Variants in MEF2D observed in about 807,000 individuals in gnomAD.
The protein encoded by MEF2D is myocyte enhancer factor 2D, also known as myocyte-specific enhancer factor 2D.
Under a neutral mutation model 59.3 loss-of-function variants are expected in MEF2D, and 10 were observed. The ratio of observed to expected loss-of-function variants is 0.17; its 90% confidence interval spans 0.10 to 0.29. The LOEUF (loss-of-function observed/expected upper bound fraction) is 0.29, where lower values mean the gene tolerates loss of function less well. Ranked by LOEUF, MEF2D falls within the 10% of genes least tolerant of loss-of-function variation. The probability of loss-of-function intolerance (pLI) is 1.00; values close to 1 mark genes in which losing one functional copy is unlikely to be tolerated. For synonymous variants in MEF2D, 305 were observed against 295.0 expected (o/e 1.03, Z -0.35); for missense variants, 508 against 699.4 (o/e 0.73, Z 3.09).
At chr1:156,483,103 C>T in intron 2 of MEF2D, 136 bp downstream of exon 2, 1 of 939,612 alleles carries the variant, frequency 1.1e-6, no homozygotes, top group South Asian at 1.5e-5. Flanking sequence ...CCTCTTCTCC[C>T]AATCTCCCTT....
chr1:156,476,868 C>T, intron 7 of MEF2D, 144 bp downstream of exon 7: 1 of 1,003,746 alleles, frequency 1.0e-6, no homozygotes, highest in Admixed American at 2.6e-5. Flanking sequence ...AGAAAAATCT[C>T]ATAAAAAGCC....
At chr1:156,485,498 C>T (rs1047437087) in intron 1 of MEF2D, among the ~76,000 whole-genome samples, 12 of 149,808 alleles carry the variant, frequency 8.0e-5, no homozygotes, top group Non-Finnish European at 1.5e-4. Flanking sequence ...GCGCTTCAAA[C>T]GACTCCCTAC....
intron 9 of MEF2D, among the ~76,000 whole-genome samples, chr1:156,473,563 A>G (rs1262435147): frequency 6.6e-6 from 1 of 152,216 alleles, no homozygotes; most frequent in Non-Finnish European, 1.5e-5. Context: ...ACAAGGGGAC[A>G]AGGCGTTTCC....
At chr1:156,481,209 A>C (rs1048414985) in intron 3 of MEF2D, among the ~76,000 whole-genome samples, 2 of 152,164 alleles carry the variant, frequency 1.3e-5, no homozygotes, top group African/African-American at 4.8e-5. Flanking sequence ...AGGTGAGCCT[A>C]ACCTGGGGGT....
chr1:156,476,536 A>T, intron 7 of MEF2D, 22 bp from the exon 8 acceptor site: 2 of 1,609,938 alleles, frequency 1.2e-6, no homozygotes, highest in Non-Finnish European at 8.5e-7. Flanking sequence ...AATAAAACCA[A>T]GGGGATGTTC....
chr1:156,476,477 C>A lies in MEF2D; in HGVS notation c.876+17G>T. 1 of 1,611,096 alleles carries A rather than the reference C, an allele frequency of 6.2e-7. No individual in the cohort carries two copies. The highest frequency in any genetic ancestry group is 8.5e-7 in the Non-Finnish European group (1 of 1,178,674). ...CAGAATTCAAAGCCACAGCAAAGAGCTCACAGCCTCACTTACCAGATCTAA... is the reference window on the plus strand; with the variant it reads ...CAGAATTCAAAGCCACAGCAAAGAGATCACAGCCTCACTTACCAGATCTAA... On this transcript the variant is annotated intron_variant, in intron 8 of 11. Transcript: ENST00000348159.
intron 9 of MEF2D, among the ~76,000 whole-genome samples, chr1:156,471,404 C>T (rs919351638): frequency 6.6e-6 from 1 of 152,238 alleles, no homozygotes; most frequent in South Asian, 2.1e-4. Context: ...GCTGGGATTA[C>T]AGGTGTGAGC....
At chr1:156,483,687 C>T (rs1291380725) in intron 1 of MEF2D, among the ~76,000 whole-genome samples, 1 of 152,254 alleles carries the variant, frequency 6.6e-6, no homozygotes, top group Non-Finnish European at 1.5e-5. Flanking sequence ...AAATGGACCT[C>T]CTGGCTTCCA....
Position 156,479,648 on chromosome 1 carries a change from T to A in MEF2D, c.545A>T (p.Gln182Leu). 1 of 1,552,748 alleles carries A rather than the reference T, an allele frequency of 6.4e-7. No individual in the cohort carries two copies. Among genetic ancestry groups the A allele is most frequent in the Non-Finnish European group, 8.7e-7 (1 of 1,147,654 alleles). Reference protein sequence around the residue: ...SLTDPRLLSPQQPALQRNSVS... With the variant: ...SLTDPRLLSPLQPALQRNSVS... Reference sequence around the variant, plus strand: ...ACTGTTCCTCTGTAGTGCTGGCTGCTGGGGGGACAGGAGCCGCGGGTCCGT... The same window carrying A: ...ACTGTTCCTCTGTAGTGCTGGCTGCAGGGGGGACAGGAGCCGCGGGTCCGT... The change falls in exon 5 of 12, where the codon CAG (glutamine) becomes CTG (leucine). Residue 182 changes from glutamine (Q) to leucine (L), a missense_variant. Physicochemically the swap from Gln to Leu is moderately radical, Grantham distance 113. Around this residue, in one of 2 missense-constraint regions of MEF2D, gnomAD observed 481 missense variants for 584.7 expected, o/e 0.82. Coordinates refer to ENST00000348159, the MANE Select transcript of MEF2D (RefSeq NM_005920.4).
At chr1:156,481,318 G>A (rs1306126197) in intron 3 of MEF2D, among the ~76,000 whole-genome samples, 1 of 152,202 alleles carries the variant, frequency 6.6e-6, no homozygotes, top group Non-Finnish European at 1.5e-5. Context: ...CTGGTGCCAT[G>A]GATCAGTCCC....
chr1:156,483,105 A>G (rs527565056), intron 2 of MEF2D, 134 bp downstream of exon 2: 2 of 955,902 alleles, frequency 2.1e-6, no homozygotes, highest in East Asian at 2.4e-5. Context: ...TCTTCTCCCA[A>G]TCTCCCTTCC....
At chr1:156,467,779 G>T in intron 11 of MEF2D, 123 bp from the exon 12 acceptor site, 1 of 1,128,964 alleles carries the variant, frequency 8.9e-7, no homozygotes, top group Non-Finnish European at 1.2e-6. Context: ...GTGAGGGGAA[G>T]AAGTCATCGA....
chr1:156,477,007 C>T lies in MEF2D; in HGVS notation c.855+5G>A. On this transcript the variant is annotated splice_donor_5th_base_variant and intron_variant, in intron 7 of 11. Transcript: ENST00000348159. ...CCCCCACCCTTGGCCCAGACACCCA[C>T]TTACCAAGTGATGCATTAACCCCTT... 6.2e-7 allele frequency: 1 copy of T among 1,613,772 alleles called. No homozygotes were observed. Among genetic ancestry groups the T allele is most frequent in the Non-Finnish European group, 8.5e-7 (1 of 1,179,852 alleles).
chr1:156,483,134 A>C lies in MEF2D; in HGVS notation c.54+105T>G, dbSNP rs570742006. The C allele has an allele frequency of 3.4e-6, 4 of 1,180,672 alleles. No individual in the cohort carries two copies. In the African/African-American group the frequency reaches 6.1e-5, roughly 18 times the overall value. The allele number at this position is 1,180,672 out of a possible 1,614,324, so 73.1% of individuals were successfully genotyped here. Reference sequence around the variant, plus strand: ...CCCTTCCCCTTCTGTAATAGCTTATAGTTTCCCCTCTTCCACAAAGCCCTC... The same window carrying C: ...CCCTTCCCCTTCTGTAATAGCTTATCGTTTCCCCTCTTCCACAAAGCCCTC... On this transcript the variant is annotated intron_variant, in intron 2 of 11. Coordinates refer to ENST00000348159, the MANE Select transcript of MEF2D (RefSeq NM_005920.4).
chr1:156,493,556 AG>A (rs914547033), intron 1 of MEF2D, among the ~76,000 whole-genome samples: 11 of 146,596 alleles, frequency 7.5e-5, no homozygotes, highest in African/African-American at 2.8e-4. Flanking sequence ...AGCCAGATGG[AG>A]GGGGGCCCAG....
intron 1 of MEF2D, among the ~76,000 whole-genome samples, chr1:156,491,467 T>A (rs2102235960): frequency 6.6e-6 from 1 of 152,250 alleles, no homozygotes; most frequent in East Asian, 1.9e-4. Context: ...TAGAAGACAG[T>A]CAGGATGGGG....
intron 4 of MEF2D, 66 bp from the exon 5 acceptor site, chr1:156,479,862 T>A (rs964196322): frequency 6.8e-7 from 1 of 1,466,252 alleles, no homozygotes; most frequent in South Asian, 1.2e-5. Context: ...CCACTTTTCC[T>A]GGGAGGGCAG....
Position 156,480,824 on chromosome 1 carries a change from TG to T in MEF2D, c.396+9del. 6.3e-7 allele frequency: 1 copy of T among 1,592,480 alleles called. No individual in the cohort carries two copies. The highest frequency in any genetic ancestry group is 8.5e-7 in the Non-Finnish European group (1 of 1,169,906). On this transcript the variant is annotated intron_variant, in intron 4 of 11. Transcript: ENST00000348159. ...GGGGGGCCAACAGAGACAGAGTGAG[TG>T]GGGCTCACCCCATAGCGCCGGAAGA...
intron 6 of MEF2D, among the ~76,000 whole-genome samples, 196 bp from the exon 7 acceptor site, chr1:156,477,398 C>T (rs1671687190): frequency 6.6e-6 from 1 of 152,100 alleles, no homozygotes; most frequent in Non-Finnish European, 1.5e-5. Flanking sequence ...ACCCCTTACT[C>T]CTGAATCTTT....
Sources: allele counts gnomAD v4.1 joint callset (sites outside exome capture counted in the v4.1 genomes callset), GRCh38; gene constraint gnomAD v4.1.1; regional missense constraint gnomAD v4.1.1; transcripts MANE v1.5; gene names NCBI Gene and HGNC (gene_info 2026-07-23, HGNC 2026-07-21).